ZWINT: variants seen among roughly 807,000 people sequenced by gnomAD.
The protein encoded by ZWINT is ZW10 interacting kinetochore protein, also known as outer kinetochore KNL1 complex subunit ZWINT.
ZWINT carries 41 observed loss-of-function variants against 41.5 expected under a neutral mutation model. The observed-to-expected ratio is 0.99, with a 90% confidence interval of 0.77 to 1.28. The LOEUF (loss-of-function observed/expected upper bound fraction) is 1.28. Ranked by LOEUF, ZWINT falls within the 50% of genes most tolerant of loss-of-function variation. The pLI, the probability that ZWINT is intolerant of heterozygous loss-of-function variation, is 0.00. For missense variants in ZWINT, 369 were observed against 329.7 expected (o/e 1.12, Z -0.92); for synonymous variants, 132 against 126.8 (o/e 1.04, Z -0.28).
At chr10:56,359,575 T>A (rs1838269208) in intron 4 of ZWINT, 43 bp from the exon 5 acceptor site, 1 of 1,566,376 alleles carries the variant, frequency 6.4e-7, no homozygotes, top group Non-Finnish European at 8.6e-7. Context: ...AGTCTATTTT[T>A]TCTGGCTAGA....
chr10:56,361,081 G>A (rs1838322114), intron 1 of ZWINT, 115 bp downstream of exon 1: 1 of 1,177,266 alleles, frequency 8.5e-7, no homozygotes, highest in African/African-American at 1.5e-5. Context: ...ATCACTTCAC[G>A]GCAGGGTCGA....
At chr10:56,360,515 T>G in intron 1 of ZWINT, 132 bp from the exon 2 acceptor site, 1 of 768,688 alleles carries the variant, frequency 1.3e-6, no homozygotes, top group Non-Finnish European at 2.1e-6. Context: ...TTGACCAGAG[T>G]TTACACAAGG....
chr10:56,358,620 G>T lies in ZWINT; in HGVS notation c.728C>A (p.Pro243Gln), dbSNP rs767790233. 3 of 1,613,946 alleles carry T rather than the reference G, an allele frequency of 1.9e-6. No individual in the cohort carries two copies. The highest frequency in any genetic ancestry group is 2.5e-6 in the Non-Finnish European group (3 of 1,179,998). ...ENLPDDKPQQPTRPQEQSTGD... is the reference protein window; with the variant it reads ...ENLPDDKPQQQTRPQEQSTGD... ...TGTACTCTGCTCCTGGGGTCGAGTC[G>T]GCTGCTGGGGTTTATCATCTGGAAG... The change falls in exon 7 of 9, where the codon CCG becomes CAG. Residue 243 changes from proline to glutamine, a missense_variant. Pro to Gln is a moderately conservative substitution (Grantham distance 76, BLOSUM62 -1). Coordinates refer to ENST00000373944, the MANE Select transcript of ZWINT (RefSeq NM_007057.4).
At position 56,360,130 on chromosome 10, in the gene ZWINT, C is replaced by A; in HGVS notation, c.144G>T (p.Lys48Asn). Residue 48 changes from lysine to asparagine, a missense_variant, in exon 3 of 9, where the codon AAG (lysine) becomes AAT (asparagine). By Grantham distance (94) the Lys-to-Asn change is moderately conservative. Coordinates refer to ENST00000373944, the MANE Select transcript of ZWINT (RefSeq NM_007057.4). ...GCTGGCTGCAGAGCAGCTTGTCTTT[C>A]TTCTGAGAGTCCTGCTCAGAGGGAG... ...ILVEFVVDSQ[K>N]KDKLLCSQLQ... 6.2e-7 allele frequency: 1 copy of A among 1,614,070 alleles called. No individual in the cohort carries two copies. Among genetic ancestry groups the A allele is most frequent in the Non-Finnish European group, 8.5e-7 (1 of 1,180,030 alleles).
rs776292909 is a variant in ZWINT, at chr10:56,358,690, G to A, written c.658C>T (p.Gln220Ter). ...GCCTCAGGGAACAACAGCTTACCCT[G>A]CAGGGTATACAGAAGCTGGAGGAAG... Reference protein sequence around the residue: ...QTFLQLLYTLQGKLLFPEAEA... With the variant: ...QTFLQLLYTL Residue 220 changes from glutamine (Q) to a stop codon, truncating the protein, a stop_gained, in exon 7 of 9, where the codon CAG (glutamine) becomes TAG (stop). Transcript: ENST00000373944. LOFTEE classifies it high-confidence loss of function. The A allele has an allele frequency of 1.2e-6, 2 of 1,614,006 alleles. No homozygotes were observed. The highest frequency in any genetic ancestry group is 1.7e-5 in the Admixed American group (1 of 60,004).
At chr10:56,359,626 C>T (rs1246616396) in intron 4 of ZWINT, 61 bp downstream of exon 4, 2 of 1,606,130 alleles carry the variant, frequency 1.2e-6, no homozygotes, top group Non-Finnish European at 1.7e-6. Context: ...AGCTTGCTCA[C>T]TCTTTCCCTC....
intron 1 of ZWINT, 127 bp downstream of exon 1, chr10:56,361,069 G>A: frequency 9.8e-7 from 1 of 1,021,948 alleles, no homozygotes; most frequent in Non-Finnish European, 1.4e-6. Context: ...ACTGCGGTGA[G>A]GATCACTTCA....
Position 56,359,500 on chromosome 10 carries a change from G to C in ZWINT, c.456C>G (p.Val152=), listed in dbSNP as rs750116427. 1.9e-6 allele frequency: 3 copies of C among 1,549,426 alleles called. No homozygotes were observed. The change falls in exon 5 of 9, where the codon GTC becomes GTG. Residue 152 remains valine (V), a synonymous_variant. Coordinates refer to ENST00000373944, the MANE Select transcript of ZWINT (RefSeq NM_007057.4). The part of the protein sequence containing the change: ...KQMAMEKRRA[V]QNQWQLQQEK... Reference sequence around the variant, plus strand: ...CCTGTTGTAGCTGCCACTGGTTCTGGACTGCTCTGCGTTTCTCCATGGCCA... The same window carrying C: ...CCTGTTGTAGCTGCCACTGGTTCTGCACTGCTCTGCGTTTCTCCATGGCCA...
Position 56,357,954 on chromosome 10 carries a change from C to A in ZWINT, c.*273G>T, listed in dbSNP as rs992321223. On this transcript the variant is annotated 3_prime_UTR_variant, in exon 9 of 9. Transcript: ENST00000373944. The stretch of plus-strand genomic sequence containing the variant: ...CCAGTACCCCCTCCCCATCTGCACA[C>A]CCTGTGTTCAAACCAGTCCCAGCTC... The A allele has an allele frequency of 4.6e-6, 2 of 433,772 alleles. No individual in the cohort carries two copies. Among genetic ancestry groups the A allele is most frequent in the Non-Finnish European group, 9.3e-6 (2 of 214,284 alleles). 26.9% of individuals were successfully genotyped at this position (433,772 alleles called of 1,614,324 possible).
At chr10:56,360,491 T>C (rs1212149273) in intron 1 of ZWINT, 108 bp from the exon 2 acceptor site, 9 of 910,514 alleles carry the variant, frequency 9.9e-6, no homozygotes, top group Non-Finnish European at 1.3e-5. Flanking sequence ...ATATATAGTA[T>C]TGAGAGTCTT....
chr10:56,359,941 CA>C (rs1589337879), intron 3 of ZWINT, 76 bp downstream of exon 3: 12 of 1,606,050 alleles, frequency 7.5e-6, no homozygotes, highest in Non-Finnish European at 1.0e-5. Context: ...TCCCATCAGC[CA>C]AATGGGAGAC....
intron 1 of ZWINT, 55 bp downstream of exon 1, chr10:56,361,140 GC>G: frequency 6.2e-7 from 1 of 1,600,222 alleles, no homozygotes; most frequent in Non-Finnish European, 8.5e-7. Context: ...ACACATAGGG[GC>G]CCACAAGGTC....
rs759537649 is a variant in ZWINT at position 56,359,836 on chromosome 10, C to T, written c.274G>A (p.Ala92Thr). 6.2e-7 allele frequency: 1 copy of T among 1,614,136 alleles called. No homozygotes were observed. Among genetic ancestry groups the T allele is most frequent in the South Asian group, 1.1e-5 (1 of 91,074 alleles). ...TTCAGCTCTTTCCATTGTTCCTTAG[C>T]TGCAATTGCCTTCTGTCCTGAGATG... ...EDTSRQKAIA[A>T]KEQWKELKAT... The change falls in exon 4 of 9, where the codon GCT becomes ACT. Residue 92 changes from alanine (A) to threonine (T), a missense_variant. By Grantham distance (58) the Ala-to-Thr change is moderately conservative (BLOSUM62 0). Coordinates refer to ENST00000373944, the MANE Select transcript of ZWINT (RefSeq NM_007057.4).
intron 5 of ZWINT, 106 bp downstream of exon 5, chr10:56,359,370 T>C (rs1838260196): frequency 2.9e-6 from 3 of 1,047,296 alleles, no homozygotes; most frequent in Admixed American, 2.5e-5. Flanking sequence ...GTATTTATAT[T>C]ATAGTGCCTC....
At chr10:56,359,433 C>T in intron 5 of ZWINT, 43 bp downstream of exon 5, 1 of 1,497,602 alleles carries the variant, frequency 6.7e-7, no homozygotes, top group Non-Finnish European at 8.9e-7. Flanking sequence ...GATACAATGG[C>T]ATGGTGGTGG....
chr10:56,361,065 G>C, intron 1 of ZWINT, 131 bp downstream of exon 1: 3 of 993,316 alleles, frequency 3.0e-6, no homozygotes, highest in Non-Finnish European at 4.4e-6. Flanking sequence ...CGGGACTGCG[G>C]TGAGGATCAC....
rs1838209155 is a variant in ZWINT, at chr10:56,357,953, AC to A, written c.*273del. ...GCCAGTACCCCCTCCCCATCTGCACACCCTGTGTTCAAACCAGTCCCAGCTC... is the reference window on the plus strand; with the variant it reads ...GCCAGTACCCCCTCCCCATCTGCACACCTGTGTTCAAACCAGTCCCAGCTC... On this transcript the variant is annotated 3_prime_UTR_variant, in exon 9 of 9. Coordinates refer to ENST00000373944, the MANE Select transcript of ZWINT (RefSeq NM_007057.4). The A allele has an allele frequency of 1.2e-5, 5 of 428,258 alleles. No homozygotes were observed. Among genetic ancestry groups the A allele is most frequent in the South Asian group, 8.7e-5 (5 of 57,610 alleles). The allele number at this position is 428,258 out of a possible 1,614,324, so 26.5% of individuals were successfully genotyped here. A position where few individuals can be genotyped will look rare whatever the true frequency, so the allele number is the denominator to read the frequency against.
At chr10:56,359,574 T>G in intron 4 of ZWINT, 42 bp from the exon 5 acceptor site, 1 of 1,566,232 alleles carries the variant, frequency 6.4e-7, no homozygotes, top group Non-Finnish European at 8.6e-7. Flanking sequence ...AAGTCTATTT[T>G]TTCTGGCTAG....
chr10:56,360,209 CT>C, intron 2 of ZWINT, 68 bp from the exon 3 acceptor site: 1 of 1,611,164 alleles, frequency 6.2e-7, no homozygotes, highest in Non-Finnish European at 8.5e-7. Flanking sequence ...AGTCTGCTCT[CT>C]GCCAGTGCTG....
Sources: gnomAD v4.1 joint callset for allele counts on GRCh38, gnomAD v4.1.1 for gene constraint, MANE v1.5 for transcripts, NCBI Gene and HGNC (gene_info 2026-07-23, HGNC 2026-07-21) for gene names.